The following DENND1B variants were observed in gnomAD, a reference collection of about 807,000 sequenced individuals.
DENND1B encodes DENN domain containing 1B.
In DENND1B, 59 loss-of-function variants were observed where a neutral mutation model predicts 90.1. That is an observed-to-expected ratio of 0.65 (90% CI 0.53 to 0.81). The LOEUF is 0.81. DENND1B is among the 40% of genes least tolerant of loss of function. The pLI, the probability that DENND1B is intolerant of heterozygous loss-of-function variation, is 0.00. For synonymous variants in DENND1B, 337 were observed against 324.6 expected, an observed-to-expected ratio of 1.04 and a Z score of -0.41; for missense variants, 862 against 912.6, an observed-to-expected ratio of 0.94 and a Z score of 0.71.
At chr1:197,640,415 G>A (rs570020708) in intron 10 of DENND1B, among the ~76,000 whole-genome samples, 3 of 151,444 alleles carry the variant, frequency 2.0e-5, no homozygotes, top group East Asian at 3.9e-4. Flanking sequence ...AGAGGTTAGA[G>A]TGAGCCAAGA....
intron 3 of DENND1B, among the ~76,000 whole-genome samples, chr1:197,680,839 T>C (rs768298106): frequency 2.0e-5 from 3 of 152,114 alleles, no homozygotes; most frequent in Non-Finnish European, 2.9e-5. Context: ...ATCTAGGAAA[T>C]GGGCAAAAAT....
Position 197,749,841 on chromosome 1 carries a change from GTTGT to G in DENND1B, c.82+23023_82+23026del, listed in dbSNP as rs960115888. Among the ~76,000 whole-genome samples the G allele has an allele frequency of 2.8e-3, 420 of 151,682 alleles. 9 individuals are homozygous for G. Among genetic ancestry groups the G allele is most frequent in the Admixed American group, 0.023 (345 of 15,224 alleles). ...GTGAAGTTTTTTGGGTTTTTTTGTT[GTTGT>G]TTGTTTGTTTGTTTGTTTTTGAGAC... On this transcript the variant is annotated intron_variant, in intron 2 of 22. Coordinates refer to ENST00000620048, the MANE Select transcript of DENND1B (RefSeq NM_001195215.2).
chr1:197,551,701 G>A (rs1406972377), intron 16 of DENND1B, among the ~76,000 whole-genome samples: 1 of 151,974 alleles, frequency 6.6e-6, no homozygotes, highest in Non-Finnish European at 1.5e-5. Flanking sequence ...TAGCCCCACG[G>A]GTCATAAAGA....
chr1:197,727,734 T>C (rs192135184), intron 2 of DENND1B, among the ~76,000 whole-genome samples: 1 of 152,256 alleles, frequency 6.6e-6, no homozygotes, highest in East Asian at 1.9e-4. Context: ...AAAATTGCCA[T>C]ATATCTTAGA....
intron 10 of DENND1B, among the ~76,000 whole-genome samples, chr1:197,627,351 C>A (rs1048193249): frequency 6.6e-6 from 1 of 152,166 alleles, no homozygotes. Context: ...GGCTTCATCC[C>A]TGATATGCCA....
Position 197,647,125 on chromosome 1 carries a change from A to G in DENND1B, c.448-11T>C, listed in dbSNP as rs1486801683. 5.6e-6 allele frequency: 8 copies of G among 1,428,342 alleles called. No individual in the cohort carries two copies. Among genetic ancestry groups the G allele is most frequent in the Non-Finnish European group, 7.3e-6 (8 of 1,096,214 alleles). The allele number at this position is 1,428,342 out of a possible 1,614,324, so 88.5% of individuals were successfully genotyped here. ...AAATATCTCTTGGTTCTTATAATAC[A>G]TGAGAGAAAAAAATGAATATTTTAC... On this transcript the variant is annotated splice_polypyrimidine_tract_variant and intron_variant, in intron 7 of 22. Transcript: ENST00000620048.
At chr1:197,756,821 A>C (rs60570313) in intron 2 of DENND1B, among the ~76,000 whole-genome samples, 8 of 151,700 alleles carry the variant, frequency 5.3e-5, no homozygotes, top group African/African-American at 1.7e-4. Context: ...ATTAAAGAAA[A>C]TACTATGCCT....
At chr1:197,677,601 A>C (rs1229158033) in intron 3 of DENND1B, among the ~76,000 whole-genome samples, 1 of 152,150 alleles carries the variant, frequency 6.6e-6, no homozygotes, top group Non-Finnish European at 1.5e-5. Context: ...AAAGGATTAG[A>C]AAGAAGATGA....
chr1:197,591,899 A>G (rs901986397), intron 14 of DENND1B, among the ~76,000 whole-genome samples: 8 of 152,096 alleles, frequency 5.3e-5, no homozygotes, highest in African/African-American at 1.7e-4. Flanking sequence ...TCACGAGGTC[A>G]GGAGATCAAG....
chr1:197,573,158 T>C (rs1438655748), intron 15 of DENND1B, among the ~76,000 whole-genome samples: 1 of 152,238 alleles, frequency 6.6e-6, no homozygotes, highest in East Asian at 1.9e-4. Context: ...GCCCTGATTT[T>C]AGTTGTTTCT....
intron 15 of DENND1B, among the ~76,000 whole-genome samples, chr1:197,566,409 G>C (rs185230405): frequency 5.2e-4 from 79 of 152,048 alleles, no homozygotes; most frequent in African/African-American, 1.9e-3. Flanking sequence ...CAGATGAATA[G>C]GTTGCAAAAA....
chr1:197,638,893 C>A (rs774867321), intron 10 of DENND1B, among the ~76,000 whole-genome samples: 1 of 151,722 alleles, frequency 6.6e-6, no homozygotes, highest in Non-Finnish European at 1.5e-5. Context: ...CTGATTATAT[C>A]TCAATTCATT....
chr1:197,515,968 T>G (rs1668367883), intron 20 of DENND1B, among the ~76,000 whole-genome samples: 2 of 151,830 alleles, frequency 1.3e-5, no homozygotes, highest in Non-Finnish European at 2.9e-5. Flanking sequence ...ATCTCTATTT[T>G]TTAAGTCCAA....
chr1:197,569,965 A>C (rs969009025), intron 15 of DENND1B, among the ~76,000 whole-genome samples: 1 of 152,182 alleles, frequency 6.6e-6, no homozygotes, highest in African/African-American at 2.4e-5. Context: ...ACATGAGTTA[A>C]CTGATATGTT....
chr1:197,729,386 C>T (rs922612437), intron 2 of DENND1B, among the ~76,000 whole-genome samples: 10 of 152,016 alleles, frequency 6.6e-5, no homozygotes, highest in African/African-American at 2.4e-4. Context: ...ACTTTATTTG[C>T]TTATTTTAAT....
At chr1:197,735,108 A>T in intron 2 of DENND1B, 1 of 967,542 alleles carries the variant, frequency 1.0e-6, no homozygotes, top group Middle Eastern at 5.4e-4. Context: ...ATTTTAAGAA[A>T]ATAGATTTGG....
At chr1:197,661,109 A>G in intron 5 of DENND1B, among the ~76,000 whole-genome samples, 1 of 152,108 alleles carries the variant, frequency 6.6e-6, no homozygotes, top group East Asian at 1.9e-4. Flanking sequence ...TGGGGAATCT[A>G]AAAATTAGAA....
chr1:197,714,756 A>T (rs1470646795), intron 3 of DENND1B, among the ~76,000 whole-genome samples: 1 of 152,130 alleles, frequency 6.6e-6, no homozygotes, highest in African/African-American at 2.4e-5. Context: ...TAGTCTATAG[A>T]TAAATTAAAC....
chr1:197,652,286 T>G lies in DENND1B; in HGVS notation c.396A>C (p.Ser132=). 1 of 1,611,586 alleles carries G rather than the reference T, an allele frequency of 6.2e-7. No homozygotes were observed. The highest frequency in any genetic ancestry group is 8.5e-7 in the Non-Finnish European group (1 of 1,179,140). ...LENDLNETLR[S]LYNHPVPKAN... ...CCTTTGGTACTGGGTGGTTATACAG[T>G]GATCTGAGAGTTTCATTCAAATCAT... Residue 132 remains serine, a synonymous_variant, in exon 7 of 23, where the codon TCA becomes TCC. Transcript: ENST00000620048.
Sources: allele counts gnomAD v4.1 joint callset (sites outside exome capture counted in the v4.1 genomes callset), GRCh38; gene constraint gnomAD v4.1.1; transcripts MANE v1.5; gene names NCBI Gene and HGNC (gene_info 2026-07-23, HGNC 2026-07-21).